Variants in CSMD1 observed in about 807,000 individuals in gnomAD.
CSMD1 encodes CUB and sushi domain-containing protein 1.
In CSMD1, 213 loss-of-function variants were observed where a neutral mutation model predicts 417.5. The observed-to-expected ratio is 0.51, with a 90% CI of 0.46 to 0.57. The LOEUF is 0.57. Among genes scored for constraint, CSMD1 ranks in the 20% least tolerant of loss-of-function variants. CSMD1 has a pLI of 0.00. For synonymous variants in CSMD1, 2,862 were observed against 1,736.8 expected, an observed-to-expected ratio of 1.65 and a Z score of -16.11; for missense variants, 6,923 against 4,529.7, an observed-to-expected ratio of 1.53 and a Z score of -15.17.
intron 2 of CSMD1, among the ~76,000 whole-genome samples, chr8:4,633,454 T>A (rs1385032452): frequency 6.6e-6 from 1 of 152,086 alleles, no homozygotes; most frequent in African/African-American, 2.4e-5. Flanking sequence ...TTTCACCGTG[T>A]TAGCCAGGAT....
chr8:3,267,707 A>G (rs1263182313), intron 26 of CSMD1, among the ~76,000 whole-genome samples: 2 of 152,190 alleles, frequency 1.3e-5, no homozygotes, highest in Non-Finnish European at 1.5e-5. Context: ...TAACGGGCTG[A>G]CATCTGATGT....
chr8:3,838,227 G>C (rs1802831302), intron 5 of CSMD1, among the ~76,000 whole-genome samples: 2 of 151,934 alleles, frequency 1.3e-5, no homozygotes, highest in South Asian at 2.1e-4. Flanking sequence ...GAAATATATA[G>C]TACAACCTGC....
At chr8:3,351,520 C>T (rs1280609331) in intron 21 of CSMD1, among the ~76,000 whole-genome samples, 1 of 150,918 alleles carries the variant, frequency 6.6e-6, no homozygotes, top group Non-Finnish European at 1.5e-5. Context: ...CTGCTTGAAC[C>T]CAGGAAGCAG....
At chr8:4,872,993 G>C (rs757633924) in intron 1 of CSMD1, among the ~76,000 whole-genome samples, 13 of 152,052 alleles carry the variant, frequency 8.5e-5, no homozygotes, top group Non-Finnish European at 1.6e-4. Context: ...GGTGTACAGT[G>C]TGTGATGCTT....
chr8:4,063,613 G>C (rs541867275), intron 3 of CSMD1, among the ~76,000 whole-genome samples: 2 of 152,188 alleles, frequency 1.3e-5, no homozygotes, highest in African/African-American at 4.8e-5. Context: ...TACGTTTCCA[G>C]TTCAGCGGCT....
intron 1 of CSMD1, among the ~76,000 whole-genome samples, chr8:4,832,326 A>G (rs1490188151): frequency 6.6e-6 from 1 of 152,188 alleles, no homozygotes; most frequent in African/African-American, 2.4e-5. Flanking sequence ...ACAGATTCTT[A>G]CGGAGATGCA....
chr8:4,833,171 C>G (rs1419000809), intron 1 of CSMD1, among the ~76,000 whole-genome samples: 1 of 152,088 alleles, frequency 6.6e-6, no homozygotes, highest in African/African-American at 2.4e-5. Context: ...TCTCACACTG[C>G]TATAAAAAAA....
At chr8:4,160,652 G>C (rs1457662326) in intron 3 of CSMD1, among the ~76,000 whole-genome samples, 2 of 152,206 alleles carry the variant, frequency 1.3e-5, no homozygotes, top group Admixed American at 1.3e-4. Flanking sequence ...CTTTGTACTT[G>C]TGTGTGCACA....
chr8:3,144,185 T>C (rs1818687627), intron 40 of CSMD1, among the ~76,000 whole-genome samples: 1 of 152,084 alleles, frequency 6.6e-6, no homozygotes, highest in Admixed American at 6.5e-5. Flanking sequence ...GGCTCTGAAA[T>C]GTTAGATGTT....
intron 3 of CSMD1, among the ~76,000 whole-genome samples, chr8:4,278,858 C>G (rs1195240471): frequency 6.6e-6 from 1 of 152,118 alleles, no homozygotes; most frequent in Non-Finnish European, 1.5e-5. Context: ...ATTACATTCT[C>G]AATTGCAGTA....
At chr8:3,068,169 C>T (rs1736898664) in intron 49 of CSMD1, among the ~76,000 whole-genome samples, 1 of 152,030 alleles carries the variant, frequency 6.6e-6, no homozygotes, top group Admixed American at 6.6e-5. Flanking sequence ...GTAGTTTTCA[C>T]CATTTCTCTC....
intron 7 of CSMD1, among the ~76,000 whole-genome samples, chr8:3,628,739 G>A (rs1222211527): frequency 3.3e-5 from 5 of 152,098 alleles, no homozygotes; most frequent in Admixed American, 3.3e-4. Context: ...GCTCATGAGA[G>A]CCATACGGAA....
chr8:4,767,889 A>T (rs1328722447), intron 1 of CSMD1, among the ~76,000 whole-genome samples: 1 of 152,124 alleles, frequency 6.6e-6, no homozygotes, highest in Non-Finnish European at 1.5e-5. Flanking sequence ...CAGTGTAGGC[A>T]CATCTTATTG....
At chr8:4,656,336 G>C (rs892187107) in intron 1 of CSMD1, among the ~76,000 whole-genome samples, 3 of 151,964 alleles carry the variant, frequency 2.0e-5, no homozygotes, top group Non-Finnish European at 4.4e-5. Flanking sequence ...GGGTAGAGAA[G>C]GTCAGACCAG....
intron 3 of CSMD1, among the ~76,000 whole-genome samples, chr8:4,309,185 G>C (rs1428084427): frequency 6.6e-6 from 1 of 152,056 alleles, no homozygotes; most frequent in Non-Finnish European, 1.5e-5. Context: ...AGATTCTGAA[G>C]GTTACTTTCA....
At chr8:3,257,221 G>A (rs531848019) in intron 26 of CSMD1, among the ~76,000 whole-genome samples, 1 of 152,308 alleles carries the variant, frequency 6.6e-6, no homozygotes, top group East Asian at 1.9e-4. Flanking sequence ...CTACTCAGGA[G>A]GCTGAGGCAG....
intron 1 of CSMD1, among the ~76,000 whole-genome samples, chr8:4,945,523 TGAAA>T (rs1406686123): frequency 7.9e-6 from 1 of 127,250 alleles, no homozygotes; most frequent in East Asian, 3.3e-4. Context: ...AGGAAGGACA[TGAAA>T]AAAAAAAAAG....
intron 10 of CSMD1, among the ~76,000 whole-genome samples, chr8:3,549,467 C>T (rs28630601): frequency 2.2e-4 from 34 of 152,230 alleles, no homozygotes; most frequent in African/African-American, 7.0e-4. Context: ...CCCCTCATGT[C>T]GCAGCAGTGA....
At chr8:3,000,367 T>C (rs1003288605) in intron 52 of CSMD1, among the ~76,000 whole-genome samples, 1 of 151,960 alleles carries the variant, frequency 6.6e-6, no homozygotes, top group Non-Finnish European at 1.5e-5. Flanking sequence ...TGTATTTTCC[T>C]AGTTGTGATT....
Sources: allele counts gnomAD v4.1 joint callset (sites outside exome capture counted in the v4.1 genomes callset), GRCh38; gene constraint gnomAD v4.1.1; transcripts MANE v1.5; gene names NCBI Gene and HGNC (gene_info 2026-07-23, HGNC 2026-07-21).